The following TPP2 variants were observed in gnomAD, a reference collection of about 807,000 sequenced individuals.
TPP2 encodes tripeptidyl-peptidase 2.
Under a neutral mutation model 155.9 loss-of-function variants are expected in TPP2, and 34 were observed. That is an observed-to-expected ratio of 0.22 (90% confidence interval 0.17 to 0.29). The LOEUF (loss-of-function observed/expected upper bound fraction) is 0.29. Ranked by LOEUF, TPP2 falls within the 10% of genes least tolerant of loss-of-function variation. The pLI is 1.00. For synonymous variants in TPP2, 510 were observed against 529.4 expected (o/e 0.96, Z 0.50); for missense variants, 1,028 against 1,522.3 (o/e 0.68, Z 5.40).
chr13:102,607,179 T>C (rs950929891), intron 2 of TPP2, among the ~76,000 whole-genome samples: 2 of 152,186 alleles, frequency 1.3e-5, no homozygotes, highest in South Asian at 2.1e-4. Flanking sequence ...TAAGTTTCAA[T>C]TGTCAGAGTC....
chr13:102,609,638 C>T (rs1220703033), intron 2 of TPP2, among the ~76,000 whole-genome samples: 1 of 152,010 alleles, frequency 6.6e-6, no homozygotes, highest in Non-Finnish European at 1.5e-5. Context: ...CTCAGGTGAT[C>T]TACCTGCCTC....
At chr13:102,635,967 A>G (rs1227257798) in intron 12 of TPP2, among the ~76,000 whole-genome samples, 1 of 152,238 alleles carries the variant, frequency 6.6e-6, no homozygotes, top group East Asian at 1.9e-4. Flanking sequence ...CTGGCCAATC[A>G]TAACGGCATA....
At chr13:102,665,402 G>GA (rs1884527615) in intron 27 of TPP2, among the ~76,000 whole-genome samples, 1 of 152,192 alleles carries the variant, frequency 6.6e-6, no homozygotes, top group Non-Finnish European at 1.5e-5. Flanking sequence ...CAACTTTTAT[G>GA]AAACTGGTTT....
rs745790660 is a variant in TPP2 at position 102,648,881 on chromosome 13, T to C, written c.2629-26T>C. 8 of 1,562,532 alleles carry C rather than the reference T, an allele frequency of 5.1e-6. No individual in the cohort carries two copies. The African/African-American group carries it at 9.7e-5, about 19-fold the overall frequency. The stretch of plus-strand genomic sequence containing the variant: ...CGTTGACTTGGTTAAACTTAACTTT[T>C]CCCAAATGTTGTTTTTCTTTTTCAG... On this transcript the variant is annotated intron_variant, in intron 21 of 29. Transcript: ENST00000376052.
At chr13:102,610,383 C>G (rs1880194775) in intron 2 of TPP2, among the ~76,000 whole-genome samples, 1 of 152,068 alleles carries the variant, frequency 6.6e-6, no homozygotes, top group Admixed American at 6.5e-5. Flanking sequence ...CACCCGCCAC[C>G]ATGCCCGGCT....
intron 27 of TPP2, chr13:102,667,666 A>T: frequency 2.5e-6 from 2 of 788,548 alleles, no homozygotes; most frequent in Non-Finnish European, 3.1e-6. Context: ...TAGAATTTAG[A>T]TTACGTGATA....
chr13:102,597,173 G>C lies in TPP2; in HGVS notation c.135G>C (p.Thr45=). The C allele has an allele frequency of 1.3e-6, 2 of 1,556,292 alleles. No individual in the cohort carries two copies. The highest frequency in any genetic ancestry group is 1.7e-6 in the Non-Finnish European group (2 of 1,151,634). ...GGGTGCTCATCGCAGTCCTGGACAC[G>C]GGGGTCGACCCGGGGGCTCCGGGCA... is the stretch of plus-strand genomic sequence containing the variant. The part of the protein sequence containing the change: ...GRGVLIAVLD[T]GVDPGAPGMQ... The change falls in exon 1 of 30, where the codon ACG becomes ACC. Residue 45 remains threonine (T), a synonymous_variant. Coordinates refer to ENST00000376052, the MANE Select transcript of TPP2 (RefSeq NM_001330588.2).
Position 102,663,362 on chromosome 13 carries a change from G to A in TPP2, c.3144-286G>A, listed in dbSNP as rs548661027. Among the ~76,000 whole-genome samples, 40 of 152,280 alleles carry A rather than the reference G, an allele frequency of 2.6e-4. No homozygotes were observed. In the East Asian group the frequency reaches 6.2e-3, roughly 24 times the overall value. On this transcript the variant is annotated intron_variant, in intron 25 of 29. Transcript: ENST00000376052. The stretch of plus-strand genomic sequence containing the variant: ...GGGGTTTCACCATGTTGGCCAGGAT[G>A]GTCTTGATCTCTTGCCCTTGTGATC...
At chr13:102,616,550 A>G (rs766837525) in intron 4 of TPP2, 50 bp downstream of exon 4, 4 of 1,449,774 alleles carry the variant, frequency 2.8e-6, no homozygotes, top group Admixed American at 4.3e-5. Flanking sequence ...CCATATTCCC[A>G]TAGAGTTTCT....
chr13:102,646,150 T>C, intron 19 of TPP2, 144 bp from the exon 20 acceptor site: 1 of 520,610 alleles, frequency 1.9e-6, no homozygotes, highest in South Asian at 2.9e-5. Context: ...ATTAAAATAT[T>C]GTAGAGTATA....
chr13:102,651,585 T>G (rs1016905753), intron 24 of TPP2, among the ~76,000 whole-genome samples, 188 bp downstream of exon 24: 37 of 152,084 alleles, frequency 2.4e-4, no homozygotes, highest in African/African-American at 8.7e-4. Flanking sequence ...AAAGGTTTTT[T>G]TTTTTTTCCC....
chr13:102,662,445 T>C (rs1045163635), intron 25 of TPP2, among the ~76,000 whole-genome samples: 4 of 152,222 alleles, frequency 2.6e-5, no homozygotes, highest in African/African-American at 9.6e-5. Flanking sequence ...ATAGGTGTTT[T>C]AGAAGAAAAC....
chr13:102,663,632 C>T lies in TPP2; in HGVS notation c.3144-16C>T, dbSNP rs538260912. 3.2e-6 allele frequency: 5 copies of T among 1,542,580 alleles called. No homozygotes were observed. The East Asian group carries it at 6.9e-5, about 21-fold the overall frequency. On this transcript the variant is annotated splice_polypyrimidine_tract_variant and intron_variant, in intron 25 of 29. Coordinates refer to ENST00000376052, the MANE Select transcript of TPP2 (RefSeq NM_001330588.2). ...AAAGAAAAAAGTAAATATTTCTCTC[C>T]TTCTTACATACATAGGCTGGATTCT... is the stretch of plus-strand genomic sequence containing the variant.
At chr13:102,671,229 G>A (rs1055360165) in intron 27 of TPP2, among the ~76,000 whole-genome samples, 1 of 152,216 alleles carries the variant, frequency 6.6e-6, no homozygotes, top group Non-Finnish European at 1.5e-5. Context: ...GGGAAGGGAG[G>A]CCCTGTTGTA....
At chr13:102,659,302 C>G (rs1034442812) in intron 25 of TPP2, among the ~76,000 whole-genome samples, 4 of 152,156 alleles carry the variant, frequency 2.6e-5, no homozygotes, top group African/African-American at 9.7e-5. Context: ...AAAATATATT[C>G]AGTGAAATAA....
intron 25 of TPP2, among the ~76,000 whole-genome samples, chr13:102,659,149 G>A (rs570752854): frequency 5.6e-4 from 85 of 152,228 alleles, no homozygotes; most frequent in African/African-American, 1.7e-3. Context: ...GGAGAAGTCC[G>A]TGTGCCTTAA....
intron 19 of TPP2, 38 bp downstream of exon 19, chr13:102,645,047 A>G: frequency 6.3e-7 from 1 of 1,575,524 alleles, no homozygotes; most frequent in East Asian, 2.2e-5. Flanking sequence ...GATATTGAAT[A>G]TAGATTGGGG....
chr13:102,637,348 C>A, intron 14 of TPP2, 109 bp downstream of exon 14: 1 of 1,187,770 alleles, frequency 8.4e-7, no homozygotes, highest in South Asian at 1.6e-5. Context: ...TAAGAAATAA[C>A]TAGACCTATC....
chr13:102,620,249 A>C (rs1342779990), intron 5 of TPP2, among the ~76,000 whole-genome samples: 1 of 152,246 alleles, frequency 6.6e-6, no homozygotes, highest in Non-Finnish European at 1.5e-5. Flanking sequence ...TTTGTTGACA[A>C]CTATTCTAAG....
Sources: allele counts gnomAD v4.1 joint callset (sites outside exome capture counted in the v4.1 genomes callset), GRCh38; gene constraint gnomAD v4.1.1; transcripts MANE v1.5; gene names NCBI Gene and HGNC (gene_info 2026-07-23, HGNC 2026-07-21).